AHCY: variants seen among roughly 807,000 people sequenced by gnomAD.
AHCY encodes the protein adenosylhomocysteinase, also known as S-adenosyl-L-homocysteine hydrolase.
In AHCY, 24 loss-of-function variants were observed where a neutral mutation model predicts 45.4. The ratio of observed to expected loss-of-function variants is 0.53; its 90% CI spans 0.38 to 0.74. The LOEUF (loss-of-function observed/expected upper bound fraction) is 0.74, where lower values mean the gene tolerates loss of function less well. AHCY is among the 30% of genes least tolerant of loss of function. The probability of loss-of-function intolerance (pLI) is 0.00; values close to 1 mark genes in which losing one functional copy is unlikely to be tolerated. For missense variants in AHCY, 449 were observed against 594.1 expected, an observed-to-expected ratio of 0.76 and a Z score of 2.54; for synonymous variants, 245 against 235.1, an observed-to-expected ratio of 1.04 and a Z score of -0.39.
At chr20:34,271,070 C>T in the AHCY span, among the ~76,000 whole-genome samples, 1 of 152,114 alleles carries the variant, frequency 6.6e-6, no homozygotes, top group Non-Finnish European at 1.5e-5. Flanking sequence ...AACTCCCAGG[C>T]TCAAGCTATC....
downstream of AHCY, among the ~76,000 whole-genome samples, chr20:34,278,273 AG>A (rs1218851229): frequency 6.6e-6 from 1 of 152,224 alleles, no homozygotes; most frequent in Non-Finnish European, 1.5e-5. Context: ...CAGGAAAGGA[AG>A]AGGCTGGCAT....
the AHCY span, among the ~76,000 whole-genome samples, chr20:34,236,087 AAGG>A: frequency 1.3e-5 from 2 of 149,800 alleles, no homozygotes; most frequent in East Asian, 3.9e-4. Flanking sequence ...AAAGAGAAGG[AAGG>A]AAGGAAGGAG....
At chr20:34,255,820 G>A in the AHCY span, among the ~76,000 whole-genome samples, 6 of 152,316 alleles carry the variant, frequency 3.9e-5, no homozygotes, top group East Asian at 3.9e-4. Context: ...CCATTACCTA[G>A]TGGACCTTGG....
In AHCY at chr20:34,290,956, A is replaced by G; in HGVS notation, c.559-18T>C. ...AACTTGCTCTGAAAGGAAAGGGGGT[A>G]AGGAGACAATAGGGGCAGGCAAGGC... On this transcript the variant is annotated intron_variant, in intron 5 of 9. Transcript: ENST00000217426. This position sits in a 1 kb window ranked among gnomAD's most constrained non-coding sequence, Gnocchi z 4.5. The G allele has an allele frequency of 6.2e-7, 1 of 1,613,576 alleles. No individual in the cohort carries two copies. The highest frequency in any genetic ancestry group is 8.5e-7 in the Non-Finnish European group (1 of 1,179,598).
chr20:34,294,401 G>T (rs1389318150), intron 2 of AHCY, among the ~76,000 whole-genome samples: 2 of 152,152 alleles, frequency 1.3e-5, no homozygotes, highest in African/African-American at 4.8e-5. Context: ...GGAAGCAAGG[G>T]GACAACTGCA....
the AHCY span, among the ~76,000 whole-genome samples, chr20:34,235,866 A>AGGGAGGGAAG: frequency 8.1e-5 from 3 of 36,862 alleles, no homozygotes; most frequent in Non-Finnish European, 1.2e-4. Flanking sequence ...GGAAGGAAGG[A>AGGGAGGGAAG]AAGGAAGGAA....
the AHCY span, among the ~76,000 whole-genome samples, chr20:34,234,130 AAG>A: frequency 6.6e-6 from 1 of 152,222 alleles, no homozygotes; most frequent in East Asian, 1.9e-4. Context: ...TGAGTGGCAC[AAG>A]CTTGATCAAA....
At chr20:34,309,725 G>T (rs1244414344) in intron 1 of AHCY, among the ~76,000 whole-genome samples, 1 of 152,148 alleles carries the variant, frequency 6.6e-6, no homozygotes, top group Non-Finnish European at 1.5e-5. Flanking sequence ...AGGCTGCAGT[G>T]AGCCGAGATC....
chr20:34,236,335 T>C, the AHCY span, among the ~76,000 whole-genome samples: 1 of 151,352 alleles, frequency 6.6e-6, no homozygotes, highest in Non-Finnish European at 1.5e-5. Context: ...AGGTCAGGAG[T>C]TTGAGACCAG....
At chr20:34,274,064 G>A in the AHCY span, among the ~76,000 whole-genome samples, 1 of 152,108 alleles carries the variant, frequency 6.6e-6, no homozygotes, top group Admixed American at 6.6e-5. Context: ...GAGTCCAGAG[G>A]CTTTCACACT....
chr20:34,297,631 T>C (rs985543515), intron 1 of AHCY, among the ~76,000 whole-genome samples: 1 of 151,748 alleles, frequency 6.6e-6, no homozygotes, highest in Non-Finnish European at 1.5e-5. Context: ...AAAAGACACA[T>C]AGCACATTGC....
upstream of AHCY, among the ~76,000 whole-genome samples, chr20:34,303,911 G>A (rs1601691405): frequency 6.6e-6 from 1 of 152,122 alleles, no homozygotes; most frequent in Non-Finnish European, 1.5e-5. Context: ...CGGGAGGGAG[G>A]ATCTTTTGAG....
chr20:34,311,207 G>C (rs2036944548), intron 1 of AHCY, among the ~76,000 whole-genome samples: 1 of 152,228 alleles, frequency 6.6e-6, no homozygotes, highest in Admixed American at 6.5e-5. Context: ...GGTGCGCCTA[G>C]TATGCGATTA....
At chr20:34,260,498 G>A in the AHCY span, 3 of 1,613,840 alleles carry the variant, frequency 1.9e-6, no homozygotes, top group Non-Finnish European at 1.7e-6. Flanking sequence ...CAACTCCTCT[G>A]TGAACCTACT....
In AHCY at chr20:34,285,622, G is replaced by C. The variant is rs530155117; in HGVS notation, c.985C>G (p.Arg329Gly). The C allele has an allele frequency of 1.9e-6, 3 of 1,613,326 alleles. No homozygotes were observed. The highest frequency in any genetic ancestry group is 2.5e-6 in the Non-Finnish European group (3 of 1,179,984). ...VNIKPQVDRY[R>G]LKNGRRIILL... ...ATGATGCGGCGCCCATTCTTCAACC[G>C]ATACCGGTCCACCTACACGCAGGCA... Residue 329 changes from arginine to glycine, a missense_variant, in exon 9 of 10, where the codon CGG (arginine) becomes GGG (glycine). By Grantham distance (125) the Arg-to-Gly change is moderately radical. Transcript: ENST00000217426.
downstream of AHCY, among the ~76,000 whole-genome samples, chr20:34,279,061 ATTGTGCC>A (rs1192020323): frequency 7.5e-6 from 1 of 132,754 alleles, no homozygotes. Context: ...GTGAGCTGAG[ATTGTGCC>A]ACTGCACTCT....
At chr20:34,244,043 C>G in the AHCY span, among the ~76,000 whole-genome samples, 6 of 152,036 alleles carry the variant, frequency 3.9e-5, no homozygotes, top group African/African-American at 1.4e-4. Context: ...CCAGCCTGGG[C>G]GACAGAGTGA....
At chr20:34,234,242 C>T in the AHCY span, among the ~76,000 whole-genome samples, 2 of 152,206 alleles carry the variant, frequency 1.3e-5, no homozygotes, top group Admixed American at 6.5e-5. Flanking sequence ...TTCCAGGGCT[C>T]ATGACCCAAA....
the AHCY span, among the ~76,000 whole-genome samples, chr20:34,254,866 C>T: frequency 6.6e-6 from 1 of 152,108 alleles, no homozygotes; most frequent in East Asian, 1.9e-4. Flanking sequence ...TAACTTTCTC[C>T]CTATTATACC....
Sources: allele counts gnomAD v4.1 joint callset (sites outside exome capture counted in the v4.1 genomes callset), GRCh38; gene constraint gnomAD v4.1.1; non-coding constraint Gnocchi (gnomAD v3.1); transcripts MANE v1.5; gene names NCBI Gene and HGNC (gene_info 2026-07-23, HGNC 2026-07-21).